The following AP3B1 variants were observed in gnomAD, a reference collection of about 807,000 sequenced individuals.
AP3B1 encodes adaptor related protein complex 3 subunit beta 1.
AP3B1 carries 61 observed loss-of-function variants against 132.5 expected under a neutral mutation model. The ratio of observed to expected loss-of-function variants is 0.46; its 90% CI spans 0.37 to 0.57. AP3B1 has a LOEUF of 0.57. Among genes scored for constraint, AP3B1 ranks in the 20% least tolerant of loss-of-function variants. The pLI, the probability that AP3B1 is intolerant of heterozygous loss-of-function variation, is 0.00. For missense variants in AP3B1, 1,120 were observed against 1,289.4 expected (o/e 0.87, Z 2.01); for synonymous variants, 388 against 438.3 (o/e 0.89, Z 1.43).
In AP3B1 at chr5:78,227,376, A is replaced by G. The variant is rs777268122; in HGVS notation, c.532T>C (p.Tyr178His). The part of the protein sequence containing the change: ...KNAAHAIQKL[Y>H]SLDPEQKEML... ...TATTGTTAACAATGCACCTACCTGT[A>G]TAATTTTTGTATTGCATGGGCTGCA... Residue 178 changes from tyrosine to histidine, a missense_variant, in exon 5 of 27, where the codon TAC becomes CAC. Transcript: ENST00000255194. The G allele has an allele frequency of 2.4e-5, 39 of 1,613,338 alleles. No homozygotes were observed. The South Asian group carries it at 4.2e-4, about 17-fold the overall frequency.
chr5:78,132,378 G>A (rs911371189), intron 15 of AP3B1, among the ~76,000 whole-genome samples: 54 of 152,078 alleles, frequency 3.6e-4, no homozygotes, highest in African/African-American at 1.2e-3. Flanking sequence ...GCTTTACTTT[G>A]TTCCCATTTG....
At chr5:78,137,535 C>T (rs977860932) in intron 15 of AP3B1, among the ~76,000 whole-genome samples, 3 of 152,178 alleles carry the variant, frequency 2.0e-5, no homozygotes, top group African/African-American at 7.2e-5. Context: ...ACAGTGCCAA[C>T]TGCAAACTGT....
intron 3 of AP3B1, among the ~76,000 whole-genome samples, chr5:78,230,458 C>A (rs1019056726): frequency 6.6e-6 from 1 of 152,162 alleles, no homozygotes; most frequent in Non-Finnish European, 1.5e-5. Flanking sequence ...AATGAAAAAA[C>A]CTTTTTCCAA....
chr5:78,026,717 T>C (rs1747354012), intron 24 of AP3B1, among the ~76,000 whole-genome samples: 1 of 152,208 alleles, frequency 6.6e-6, no homozygotes, highest in Non-Finnish European at 1.5e-5. Context: ...ATGAATATTT[T>C]ACAGATATTG....
intron 6 of AP3B1, among the ~76,000 whole-genome samples, chr5:78,221,370 A>T (rs1746170610): frequency 6.6e-6 from 1 of 152,220 alleles, no homozygotes; most frequent in Non-Finnish European, 1.5e-5. Context: ...ATGATGAAGC[A>T]AAAGGAAACA....
At chr5:78,090,957 T>A (rs922441789) in intron 21 of AP3B1, among the ~76,000 whole-genome samples, 4 of 151,744 alleles carry the variant, frequency 2.6e-5, no homozygotes, top group Non-Finnish European at 4.4e-5. Context: ...TATTTTTTAT[T>A]TTATTTTTTT....
chr5:78,152,346 C>T (rs370244415), intron 14 of AP3B1, among the ~76,000 whole-genome samples: 1 of 151,980 alleles, frequency 6.6e-6, no homozygotes, highest in East Asian at 2.0e-4. Flanking sequence ...ATTATGGTTT[C>T]AATCTTGTTA....
At chr5:78,253,197 T>C (rs1358262727) in intron 2 of AP3B1, among the ~76,000 whole-genome samples, 1 of 152,186 alleles carries the variant, frequency 6.6e-6, no homozygotes, top group Non-Finnish European at 1.5e-5. Context: ...AAAGCCAATA[T>C]AGCTTAGATC....
intron 1 of AP3B1, among the ~76,000 whole-genome samples, chr5:78,279,888 A>AAT (rs1241701429): frequency 2.1e-5 from 3 of 139,952 alleles, no homozygotes; most frequent in Non-Finnish European, 4.6e-5. Context: ...ATATGACTTA[A>AAT]ATATATATAT....
At chr5:78,097,721 G>A (rs1458950875) in intron 21 of AP3B1, among the ~76,000 whole-genome samples, 1 of 151,734 alleles carries the variant, frequency 6.6e-6, no homozygotes, top group Non-Finnish European at 1.5e-5. Context: ...CTGCCAGGCC[G>A]CCCCTACTGG....
At chr5:78,286,201 A>C (rs1749272697) in intron 1 of AP3B1, among the ~76,000 whole-genome samples, 1 of 152,106 alleles carries the variant, frequency 6.6e-6, no homozygotes, top group African/African-American at 2.4e-5. Context: ...CTTGCAGAAA[A>C]CCCATTCCAA....
At chr5:78,210,619 A>C (rs1745694340) in intron 7 of AP3B1, among the ~76,000 whole-genome samples, 1 of 152,164 alleles carries the variant, frequency 6.6e-6, no homozygotes, top group South Asian at 2.1e-4. Flanking sequence ...TAGAGTTTTA[A>C]CTTCCAAATC....
chr5:78,113,518 T>A (rs1751683510), intron 19 of AP3B1, among the ~76,000 whole-genome samples: 1 of 152,192 alleles, frequency 6.6e-6, no homozygotes, highest in Non-Finnish European at 1.5e-5. Context: ...TCCAAGGTTA[T>A]ACCAATTTTC....
Position 78,177,392 on chromosome 5 carries a change from T to A in AP3B1, c.987A>T (p.Lys329Asn). 1 of 1,613,942 alleles carries A rather than the reference T, an allele frequency of 6.2e-7. No individual in the cohort carries two copies. Among genetic ancestry groups the A allele is most frequent in the Admixed American group, 1.7e-5 (1 of 60,016 alleles). ...ATTTAGAAATTATGCCAGCTTCAGA[T>A]TTTGGTGATATGTGCCAATACAGCT... The part of the protein sequence containing the change: ...VAQLYWHISP[K>N]SEAGIISKSL... The change falls in exon 9 of 27, where the codon AAA becomes AAT. Residue 329 changes from lysine to asparagine, a missense_variant. Around this residue, in one of 3 missense-constraint regions of AP3B1, gnomAD observed 906 missense variants for 997.1 expected, o/e 0.91. Coordinates refer to ENST00000255194, the MANE Select transcript of AP3B1 (RefSeq NM_003664.5).
chr5:78,279,986 G>A (rs1319945878), intron 1 of AP3B1, among the ~76,000 whole-genome samples: 2 of 145,432 alleles, frequency 1.4e-5, no homozygotes, highest in Non-Finnish European at 3.0e-5. Flanking sequence ...GCTGAAGTGG[G>A]AGGATCAGAC....
At chr5:78,234,759 G>C (rs1051490624) in intron 3 of AP3B1, among the ~76,000 whole-genome samples, 5 of 152,134 alleles carry the variant, frequency 3.3e-5, no homozygotes, top group Non-Finnish European at 5.9e-5. Flanking sequence ...ATATTTATCA[G>C]CTGGATCACA....
chr5:78,003,454 G>A, intron 26 of AP3B1: 1 of 786,626 alleles, frequency 1.3e-6, no homozygotes, highest in Non-Finnish European at 1.5e-6. Flanking sequence ...GTTAAGAAAA[G>A]GTACCTTTCT....
chr5:78,080,729 T>C (rs1043236367), intron 22 of AP3B1, among the ~76,000 whole-genome samples: 1 of 151,890 alleles, frequency 6.6e-6, no homozygotes, highest in African/African-American at 2.4e-5. Flanking sequence ...CTTCCTGTTT[T>C]ACAAAACCCA....
intron 7 of AP3B1, among the ~76,000 whole-genome samples, chr5:78,203,652 T>A (rs926250435): frequency 3.9e-5 from 6 of 152,132 alleles, no homozygotes; most frequent in Non-Finnish European, 8.8e-5. Context: ...TTTTCAGCCA[T>A]TTTTTTCTTC....
Sources: allele counts gnomAD v4.1 joint callset (sites outside exome capture counted in the v4.1 genomes callset), GRCh38; gene constraint gnomAD v4.1.1; regional missense constraint gnomAD v4.1.1; transcripts MANE v1.5; gene names NCBI Gene and HGNC (gene_info 2026-07-23, HGNC 2026-07-21).